SMARCAL1: variants seen among roughly 807,000 people sequenced by gnomAD.
The protein encoded by SMARCAL1 is ATP-driven annealing helicase.
A neutral mutation model predicts 94.5 loss-of-function variants in SMARCAL1; 58 were observed. The ratio of observed to expected loss-of-function variants is 0.61; its 90% CI spans 0.50 to 0.76. SMARCAL1 has a LOEUF of 0.76. Among genes scored for constraint, SMARCAL1 ranks in the 30% least tolerant of loss-of-function variants. SMARCAL1 has a pLI of 0.00. For missense variants in SMARCAL1, 1,051 were observed against 1,177.9 expected, an observed-to-expected ratio of 0.89 and a Z score of 1.58; for synonymous variants, 422 against 455.1, an observed-to-expected ratio of 0.93 and a Z score of 0.93.
intron 7 of SMARCAL1, among the ~76,000 whole-genome samples, chr2:216,432,346 T>G (rs932427565): frequency 6.6e-5 from 10 of 152,114 alleles, no homozygotes; most frequent in African/African-American, 2.4e-4. Context: ...CCCTCCTCAG[T>G]GCTAGTCCTG....
At chr2:216,477,295 T>A in intron 16 of SMARCAL1, 86 bp downstream of exon 16, 1 of 987,054 alleles carries the variant, frequency 1.0e-6, no homozygotes, top group Non-Finnish European at 1.6e-6. Context: ...AAAGTGCTTC[T>A]GCTTTTGCTA....
intron 13 of SMARCAL1, among the ~76,000 whole-genome samples, chr2:216,466,676 G>A (rs1301236375): frequency 6.6e-6 from 1 of 152,176 alleles, no homozygotes; most frequent in Non-Finnish European, 1.5e-5. Flanking sequence ...GGGGAAAGAC[G>A]CATTAGGAAA....
At chr2:216,470,838 CAAAAAAAAAAAAAAAA>C (rs55763206) in intron 14 of SMARCAL1, among the ~76,000 whole-genome samples, 1 of 48,074 alleles carries the variant, frequency 2.1e-5, no homozygotes, top group East Asian at 8.3e-4. Context: ...AAGAACATCT[CAAAAAAAAAAAAAAAA>C]AAAAAAAAAA....
chr2:216,430,590 C>G (rs1403012933), intron 7 of SMARCAL1, among the ~76,000 whole-genome samples: 1 of 152,162 alleles, frequency 6.6e-6, no homozygotes, highest in African/African-American at 2.4e-5. Context: ...GTTATCCAGG[C>G]TTTTTCTGTC....
At chr2:216,469,684 T>C (rs1006418445) in intron 14 of SMARCAL1, among the ~76,000 whole-genome samples, 1 of 152,218 alleles carries the variant, frequency 6.6e-6, no homozygotes, top group Non-Finnish European at 1.5e-5. Flanking sequence ...AGTAGGTGTA[T>C]GTTTGTATCT....
chr2:216,429,907 T>A (rs1381953935), intron 7 of SMARCAL1, among the ~76,000 whole-genome samples: 1 of 152,212 alleles, frequency 6.6e-6, no homozygotes, highest in East Asian at 1.9e-4. Flanking sequence ...TGGTGAGATG[T>A]CCTTTGGGCC....
At chr2:216,451,884 A>G (rs1274257042) in intron 12 of SMARCAL1, among the ~76,000 whole-genome samples, 1 of 152,238 alleles carries the variant, frequency 6.6e-6, no homozygotes, top group African/African-American at 2.4e-5. Flanking sequence ...ATGAAGCATT[A>G]TCTGGGCTTG....
At chr2:216,439,241 A>G (rs1694144945) in intron 10 of SMARCAL1, among the ~76,000 whole-genome samples, 2 of 151,860 alleles carry the variant, frequency 1.3e-5, no homozygotes, top group Non-Finnish European at 2.9e-5. Flanking sequence ...TAGGCTCTGT[A>G]TTTCATCTGT....
intron 12 of SMARCAL1, among the ~76,000 whole-genome samples, chr2:216,454,671 G>A (rs1241524201): frequency 1.3e-5 from 2 of 152,182 alleles, no homozygotes; most frequent in Non-Finnish European, 2.9e-5. Flanking sequence ...GTATATGAGA[G>A]TTAGTTGTTA....
chr2:216,461,378 T>A (rs1694698079), intron 12 of SMARCAL1, among the ~76,000 whole-genome samples: 2 of 152,052 alleles, frequency 1.3e-5, no homozygotes, highest in Non-Finnish European at 2.9e-5. Flanking sequence ...TATATTTTTA[T>A]GTATCTGCAT....
chr2:216,456,846 A>G (rs1006054093), intron 12 of SMARCAL1, among the ~76,000 whole-genome samples: 3 of 152,234 alleles, frequency 2.0e-5, no homozygotes. Context: ...ACATAACAAT[A>G]TTAACCTTAA....
intron 10 of SMARCAL1, among the ~76,000 whole-genome samples, chr2:216,445,278 C>A (rs936132703): frequency 6.6e-6 from 1 of 151,836 alleles, no homozygotes; most frequent in African/African-American, 2.4e-5. Context: ...TGGGAGCAGG[C>A]CAAATCACCC....
At chr2:216,464,369 T>G (rs947527960) in intron 12 of SMARCAL1, among the ~76,000 whole-genome samples, 3 of 152,182 alleles carry the variant, frequency 2.0e-5, no homozygotes, top group African/African-American at 7.2e-5. Context: ...CAATGGTTCT[T>G]GGACAATGGC....
At chr2:216,462,437 G>T (rs1433610165) in intron 12 of SMARCAL1, among the ~76,000 whole-genome samples, 3 of 152,154 alleles carry the variant, frequency 2.0e-5, no homozygotes, top group Admixed American at 6.5e-5. Flanking sequence ...TTGGGTTGGA[G>T]GGCCTAGCCT....
intron 12 of SMARCAL1, among the ~76,000 whole-genome samples, chr2:216,462,803 T>C (rs1042434317): frequency 1.3e-5 from 2 of 149,718 alleles, no homozygotes; most frequent in Non-Finnish European, 3.0e-5. Flanking sequence ...CTGGACAACA[T>C]AGTGAGATCC....
At chr2:216,455,829 A>G (rs968182119) in intron 12 of SMARCAL1, among the ~76,000 whole-genome samples, 1 of 152,252 alleles carries the variant, frequency 6.6e-6, no homozygotes, top group Non-Finnish European at 1.5e-5. Flanking sequence ...CCTCACCAGC[A>G]ATGGAACAAA....
chr2:216,441,295 A>C (rs919599030), intron 10 of SMARCAL1, among the ~76,000 whole-genome samples: 1 of 152,226 alleles, frequency 6.6e-6, no homozygotes, highest in African/African-American at 2.4e-5. Context: ...AATTGGTGTC[A>C]CTGTCCCCTG....
Position 216,414,792 on chromosome 2 carries a change from G to A in SMARCAL1, c.88G>A (p.Ala30Thr). ...ALARRAEKLLAEQHQRTSSGT... is the reference protein window; with the variant it reads ...ALARRAEKLLTEQHQRTSSGT... ...GGCCCGCAGAGCTGAGAAGTTATTG[G>A]CAGAACAGCATCAGAGGACTAGCTC... Residue 30 changes from alanine to threonine, a missense_variant, in exon 3 of 18, where the codon GCA becomes ACA. By Grantham distance (58) the Ala-to-Thr change is moderately conservative (BLOSUM62 0). This residue lies in a region of SMARCAL1 where 398 missense variants were observed against 395.2 expected (regional missense o/e 1.01). Coordinates refer to ENST00000357276, the MANE Select transcript of SMARCAL1 (RefSeq NM_014140.4). The A allele has an allele frequency of 6.2e-7, 1 of 1,614,210 alleles. No individual in the cohort carries two copies. The highest frequency in any genetic ancestry group is 8.5e-7 in the Non-Finnish European group (1 of 1,180,052).
At chr2:216,461,963 A>T (rs1180132326) in intron 12 of SMARCAL1, among the ~76,000 whole-genome samples, 1 of 152,194 alleles carries the variant, frequency 6.6e-6, no homozygotes, top group East Asian at 1.9e-4. Context: ...TACTGTACTG[A>T]AAAAGTAGCT....
Sources: allele counts gnomAD v4.1 joint callset (sites outside exome capture counted in the v4.1 genomes callset), GRCh38; gene constraint gnomAD v4.1.1; regional missense constraint gnomAD v4.1.1; transcripts MANE v1.5; gene names NCBI Gene and HGNC (gene_info 2026-07-23, HGNC 2026-07-21).